ARID1B: variants seen among roughly 807,000 people sequenced by gnomAD.
The protein encoded by ARID1B is AT-rich interaction domain 1B, also known as AT-rich interactive domain-containing protein 1B.
ARID1B carries 30 observed loss-of-function variants against 212.3 expected under a neutral mutation model. That is an observed-to-expected ratio of 0.14 (90% CI 0.11 to 0.19). The LOEUF is 0.19. Ranked by LOEUF, ARID1B falls within the 10% of genes least tolerant of loss-of-function variation. ARID1B has a pLI of 1.00. For synonymous variants in ARID1B, 1,402 were observed against 1,301.7 expected (o/e 1.08, Z -1.66); for missense variants, 2,891 against 3,204.0 (o/e 0.90, Z 2.36).
chr6:157,020,491 C>CT (rs992952927), intron 4 of ARID1B, among the ~76,000 whole-genome samples: 4 of 152,000 alleles, frequency 2.6e-5, no homozygotes, highest in African/African-American at 9.7e-5. Context: ...CAAACTTTAA[C>CT]TTTTTTATAA....
intron 2 of ARID1B, among the ~76,000 whole-genome samples, chr6:156,835,016 C>T (rs1783405045): frequency 6.6e-6 from 1 of 151,900 alleles, no homozygotes; most frequent in Non-Finnish European, 1.5e-5. Flanking sequence ...GGGCGGACCA[C>T]GAGGTCAGGA....
At chr6:156,852,162 T>G (rs1397722213) in intron 2 of ARID1B, among the ~76,000 whole-genome samples, 1 of 152,028 alleles carries the variant, frequency 6.6e-6, no homozygotes, top group Admixed American at 6.6e-5. Context: ...AAAAAAAAAT[T>G]TGAGGCCGGG....
At chr6:156,827,118 A>G (rs189815413) in intron 1 of ARID1B, among the ~76,000 whole-genome samples, 3 of 152,244 alleles carry the variant, frequency 2.0e-5, no homozygotes, top group East Asian at 3.9e-4. Context: ...CTGGGAGTGG[A>G]TGTCCTCTCT....
At chr6:156,905,840 T>C (rs953367454) in intron 3 of ARID1B, among the ~76,000 whole-genome samples, 1 of 152,250 alleles carries the variant, frequency 6.6e-6, no homozygotes, top group Non-Finnish European at 1.5e-5. Flanking sequence ...ATCACGCTAT[T>C]TTCTAAGAAT....
chr6:156,858,479 C>T (rs1785100094), intron 2 of ARID1B, among the ~76,000 whole-genome samples: 1 of 152,134 alleles, frequency 6.6e-6, no homozygotes, highest in Non-Finnish European at 1.5e-5. Context: ...CAAAAGATCA[C>T]AAGAGGCTGG....
chr6:156,941,335 A>G (rs1792659573), intron 4 of ARID1B: 1 of 152,208 alleles, frequency 6.6e-6, no homozygotes, highest in African/African-American at 2.4e-5. Context: ...TATCATCTGC[A>G]TCGTTTCAAA....
intron 2 of ARID1B, among the ~76,000 whole-genome samples, chr6:156,872,368 CTGG>C (rs1477953313): frequency 6.6e-6 from 1 of 152,180 alleles, no homozygotes; most frequent in East Asian, 1.9e-4. Context: ...TTTGCCCAGG[CTGG>C]AGTGCAATGG....
Position 157,154,566 on chromosome 6 carries a change from C to G in ARID1B, c.3089+5615C>G, listed in dbSNP as rs544138479. ...CTGGTCCTGTTGTTGTTCTGCTCTT[C>G]TGTTTTTTTTTTTGTTTTTTTTTTT... On this transcript the variant is annotated intron_variant, in intron 8 of 19. Transcript: ENST00000636930. Among the ~76,000 whole-genome samples the G allele has an allele frequency of 9.6e-5, 13 of 135,210 alleles. No individual in the cohort carries two copies. The East Asian group carries it at 2.8e-3, about 29-fold the overall frequency. 88.7% of individuals were successfully genotyped at this position (135,210 alleles called of 152,430 possible). A position where few individuals can be genotyped will look rare whatever the true frequency, so the allele number is the denominator to read the frequency against.
chr6:157,147,005 T>C (rs1455709651), intron 7 of ARID1B, among the ~76,000 whole-genome samples: 3 of 152,152 alleles, frequency 2.0e-5, no homozygotes, highest in Non-Finnish European at 4.4e-5. Context: ...GGGGTATCTA[T>C]ATTTCATGTG....
At chr6:156,781,084 T>G (rs183896277) in intron 1 of ARID1B, among the ~76,000 whole-genome samples, 1 of 152,330 alleles carries the variant, frequency 6.6e-6, no homozygotes, top group East Asian at 1.9e-4. Flanking sequence ...TTGTGATTTA[T>G]CAGTTCTGAC....
At chr6:156,967,999 A>T (rs932814789) in intron 4 of ARID1B, among the ~76,000 whole-genome samples, 1 of 152,196 alleles carries the variant, frequency 6.6e-6, no homozygotes, top group Non-Finnish European at 1.5e-5. Context: ...ATTCAGTCCT[A>T]GGAAGGAATG....
At chr6:156,897,240 C>CTTATTA (rs1562468403) in intron 2 of ARID1B, among the ~76,000 whole-genome samples, 13 of 101,118 alleles carry the variant, frequency 1.3e-4, no homozygotes, top group African/African-American at 4.5e-4. Flanking sequence ...TCTTCTTCTT[C>CTTATTA]TTCTTCTTCT....
At chr6:156,800,555 C>T (rs1780703513) in intron 1 of ARID1B, among the ~76,000 whole-genome samples, 1 of 152,030 alleles carries the variant, frequency 6.6e-6, no homozygotes, top group Non-Finnish European at 1.5e-5. Flanking sequence ...TACCACCGCA[C>T]TTCAACCTGG....
chr6:157,008,169 A>G (rs1384867220), intron 4 of ARID1B, among the ~76,000 whole-genome samples: 1 of 152,068 alleles, frequency 6.6e-6, no homozygotes, highest in Middle Eastern at 3.2e-3. Flanking sequence ...TACATAACAT[A>G]AAGTTTACCA....
intron 4 of ARID1B, among the ~76,000 whole-genome samples, chr6:157,016,724 C>T (rs942282925): frequency 6.6e-6 from 1 of 152,132 alleles, no homozygotes; most frequent in Non-Finnish European, 1.5e-5. Context: ...CATGTGCGAC[C>T]CAAACTGGAA....
intron 11 of ARID1B, chr6:157,175,502 C>CA (rs1164452267): frequency 1.3e-5 from 2 of 152,164 alleles, no homozygotes; most frequent in African/African-American, 4.8e-5. Context: ...AGTGTAACAT[C>CA]AGCCCTGCTT....
chr6:157,139,464 C>T (rs1370640750), intron 7 of ARID1B, among the ~76,000 whole-genome samples: 1 of 152,228 alleles, frequency 6.6e-6, no homozygotes, highest in Non-Finnish European at 1.5e-5. Flanking sequence ...GGTCCCTCCA[C>T]CTGTGGTTAG....
chr6:156,823,210 C>G (rs1358036167), intron 1 of ARID1B, among the ~76,000 whole-genome samples: 1 of 152,174 alleles, frequency 6.6e-6, no homozygotes, highest in Non-Finnish European at 1.5e-5. Context: ...CACAGTTGGG[C>G]TGTTCCATTT....
chr6:157,090,648 GA>G (rs1283852400), intron 5 of ARID1B, among the ~76,000 whole-genome samples: 1 of 152,224 alleles, frequency 6.6e-6, no homozygotes, highest in African/African-American at 2.4e-5. Context: ...CATCAAATAT[GA>G]AAGTAGAACC....
Sources: allele counts gnomAD v4.1 joint callset (sites outside exome capture counted in the v4.1 genomes callset), GRCh38; gene constraint gnomAD v4.1.1; transcripts MANE v1.5; gene names NCBI Gene and HGNC (gene_info 2026-07-23, HGNC 2026-07-21).